PPP1R12B: variants seen among roughly 807,000 people sequenced by gnomAD.
The protein encoded by PPP1R12B is myosin phosphatase target subunit 2.
PPP1R12B carries 76 observed loss-of-function variants against 126.1 expected under a neutral mutation model. The observed-to-expected ratio is 0.60, with a 90% CI of 0.50 to 0.73. The LOEUF (loss-of-function observed/expected upper bound fraction) is 0.73. PPP1R12B is among the 30% of genes least tolerant of loss of function. The pLI, the probability that PPP1R12B is intolerant of heterozygous loss-of-function variation, is 0.00. For missense variants in PPP1R12B, 1,052 were observed against 1,205.1 expected, an observed-to-expected ratio of 0.87 and a Z score of 1.88; for synonymous variants, 356 against 434.7, an observed-to-expected ratio of 0.82 and a Z score of 2.25.
At chr1:202,545,507 A>T (rs1387703100) in intron 18 of PPP1R12B, among the ~76,000 whole-genome samples, 1 of 152,218 alleles carries the variant, frequency 6.6e-6, no homozygotes, top group African/African-American at 2.4e-5. Context: ...ATAAATGTGT[A>T]TCAAAGCCAT....
chr1:202,532,693 A>G (rs1684079621), intron 18 of PPP1R12B, among the ~76,000 whole-genome samples: 2 of 152,050 alleles, frequency 1.3e-5, no homozygotes, highest in Admixed American at 1.3e-4. Context: ...AAGAGAGACT[A>G]TCTTTCAAAG....
At chr1:202,423,659 G>T (rs1483919285) in intron 3 of PPP1R12B, among the ~76,000 whole-genome samples, 1 of 152,020 alleles carries the variant, frequency 6.6e-6, no homozygotes, top group Non-Finnish European at 1.5e-5. Flanking sequence ...TTCATGTATA[G>T]TTTTTCTGTC....
At chr1:202,471,993 T>G (rs1675972750) in intron 13 of PPP1R12B, 2 of 1,596,328 alleles carry the variant, frequency 1.3e-6, no homozygotes, top group Admixed American at 1.7e-5. Context: ...CGTGGTGATT[T>G]TATAGCATCC....
intron 23 of PPP1R12B, among the ~76,000 whole-genome samples, chr1:202,571,505 A>G (rs1688600787): frequency 6.6e-6 from 1 of 152,022 alleles, no homozygotes. Flanking sequence ...GTGCAGTGGC[A>G]CAATGTCGGC....
rs893320181 is a variant in PPP1R12B at position 202,417,233 on chromosome 1, A to G, written c.422+316A>G. 5 of 985,284 alleles carry G rather than the reference A, an allele frequency of 5.1e-6. No homozygotes were observed. The African/African-American group carries it at 8.7e-5, about 17-fold the overall frequency. 61.0% of individuals were successfully genotyped at this position (985,284 alleles called of 1,614,324 possible). A position where few individuals can be genotyped will look rare whatever the true frequency, so the allele number is the denominator to read the frequency against. ...AACAACTGTAGCTGGGCACGTATAC[A>G]GGCAGGCCTGGAGATGTTTTTCTGG... On this transcript the variant is annotated intron_variant, in intron 2 of 23. Transcript: ENST00000608999.
rs1553332114 is a variant in PPP1R12B at position 202,588,841 on chromosome 1, A to AGATT, written c.*8284_*8285insTGAT. The AGATT allele has an allele frequency of 7.0e-6, 1 of 143,628 alleles. No homozygotes were observed. The highest frequency in any genetic ancestry group is 1.5e-5 in the Non-Finnish European group (1 of 67,256). The allele number at this position is 143,628 out of a possible 1,614,324, so 8.9% of individuals were successfully genotyped here. ...AGAACCGTAAGATAGATAGATAGATAGATAGATAGATAGATAGATAGATAG... is the reference window on the plus strand; with the variant it reads ...AGAACCGTAAGATAGATAGATAGATAGATTGATAGATAGATAGATAGATAGATAG... On this transcript the variant is annotated 3_prime_UTR_variant, in exon 24 of 24. Transcript: ENST00000608999.
rs1395842077 is a variant in PPP1R12B, at chr1:202,437,841, C to T, written c.1275C>T (p.Asn425=). ...SARRFSSGLF[N]KPEEPKDESP... ...CATAGTTCTCTTCTGGCCTTTTTAACAAGCCAGAAGAGCCCAAAGATGAAT... is the reference window on the plus strand; with the variant it reads ...CATAGTTCTCTTCTGGCCTTTTTAATAAGCCAGAAGAGCCCAAAGATGAAT... The change falls in exon 10 of 24, where the codon AAC becomes AAT. Residue 425 remains asparagine (N), a synonymous_variant. Coordinates refer to ENST00000608999, the MANE Select transcript of PPP1R12B (RefSeq NM_002481.4). 3 of 1,611,578 alleles carry T rather than the reference C, an allele frequency of 1.9e-6. No homozygotes were observed. The South Asian group carries it at 3.3e-5, about 18-fold the overall frequency.
In PPP1R12B at chr1:202,584,117, T is replaced by C. The variant is rs1250464454; in HGVS notation, c.*3557T>C. 1.3e-5 allele frequency: 2 copies of C among 152,166 alleles called. No individual in the cohort carries two copies. Among genetic ancestry groups the C allele is most frequent in the African/African-American group, 4.8e-5 (2 of 41,418 alleles). The allele number at this position is 152,166 out of a possible 1,614,324, so 9.4% of individuals were successfully genotyped here. A position where few individuals can be genotyped will look rare whatever the true frequency, so the allele number is the denominator to read the frequency against. ...TGTTGCCTCTAAAGAATCTAAAGAA[T>C]AGACATGCTTTGGGCTTACTCAGTG... On this transcript the variant is annotated 3_prime_UTR_variant, in exon 24 of 24. Coordinates refer to ENST00000608999, the MANE Select transcript of PPP1R12B (RefSeq NM_002481.4).
At chr1:202,422,843 G>A in intron 3 of PPP1R12B, 105 bp downstream of exon 3, 8 of 1,521,284 alleles carry the variant, frequency 5.3e-6, no homozygotes, top group Non-Finnish European at 6.2e-6. Context: ...CATGACAGGA[G>A]AGGATTTGAT....
intron 11 of PPP1R12B, 48 bp downstream of exon 11, chr1:202,440,836 C>A: frequency 6.8e-7 from 1 of 1,468,224 alleles, no homozygotes; most frequent in Non-Finnish European, 9.5e-7. Flanking sequence ...CTTAGGTCTA[C>A]TGGACATAGT....
At chr1:202,371,718 G>A (rs1660294569) in intron 1 of PPP1R12B, among the ~76,000 whole-genome samples, 2 of 152,074 alleles carry the variant, frequency 1.3e-5, no homozygotes, top group Admixed American at 6.5e-5. Context: ...TGCAAAGATA[G>A]TTTAGAGAGA....
At chr1:202,446,236 C>CTATATATATATATATA (rs1290788219) in intron 12 of PPP1R12B, among the ~76,000 whole-genome samples, 1 of 88,056 alleles carries the variant, frequency 1.1e-5, no homozygotes, top group Non-Finnish European at 2.2e-5. Context: ...CTCTCTCTCT[C>CTATATATATATATATA]TATATATATA....
intron 18 of PPP1R12B, among the ~76,000 whole-genome samples, chr1:202,532,926 A>G (rs1362611891): frequency 4.5e-5 from 6 of 134,266 alleles, no homozygotes; most frequent in East Asian, 2.2e-4. Flanking sequence ...CTGGAGTGCA[A>G]TGTTGCGATC....
At position 202,581,441 on chromosome 1, in the gene PPP1R12B, G is replaced by A. The variant is rs1689542342; in HGVS notation, c.*881G>A. On this transcript the variant is annotated 3_prime_UTR_variant, in exon 24 of 24. Coordinates refer to ENST00000608999, the MANE Select transcript of PPP1R12B (RefSeq NM_002481.4). ...CTGGAAGGTAGACTATGGCATAAGT[G>A]TCAGCTCATTGTTTTCGTCTCCCAC... 1 of 152,216 alleles carries A rather than the reference G, an allele frequency of 6.6e-6. No homozygotes were observed. Among genetic ancestry groups the A allele is most frequent in the Admixed American group, 6.5e-5 (1 of 15,280 alleles). 9.4% of individuals were successfully genotyped at this position (152,216 alleles called of 1,614,324 possible). A position where few individuals can be genotyped will look rare whatever the true frequency, so the allele number is the denominator to read the frequency against.
rs1194751651 is a variant in PPP1R12B, at chr1:202,584,121, C to T, written c.*3561C>T. The T allele has an allele frequency of 6.6e-6, 1 of 152,162 alleles. No individual in the cohort carries two copies. Among genetic ancestry groups the T allele is most frequent in the Non-Finnish European group, 1.5e-5 (1 of 68,044 alleles). 9.4% of individuals were successfully genotyped at this position (152,162 alleles called of 1,614,324 possible). On this transcript the variant is annotated 3_prime_UTR_variant, in exon 24 of 24. Transcript: ENST00000608999. ...GCCTCTAAAGAATCTAAAGAATAGA[C>T]ATGCTTTGGGCTTACTCAGTGTACC... is the stretch of plus-strand genomic sequence containing the variant.
At chr1:202,516,266 G>C (rs895482637) in intron 18 of PPP1R12B, among the ~76,000 whole-genome samples, 1 of 152,176 alleles carries the variant, frequency 6.6e-6, no homozygotes, top group Non-Finnish European at 1.5e-5. Flanking sequence ...CTTGTTATAG[G>C]GGTAGGGTTA....
intron 1 of PPP1R12B, among the ~76,000 whole-genome samples, chr1:202,379,292 G>C (rs1254887928): frequency 1.3e-5 from 2 of 152,164 alleles, no homozygotes; most frequent in African/African-American, 4.8e-5. Context: ...ATTCCCAATT[G>C]ACTGCATGAG....
chr1:202,575,160 A>T (rs979403945), intron 23 of PPP1R12B: 2 of 1,601,910 alleles, frequency 1.2e-6, no homozygotes, highest in African/African-American at 2.7e-5. Context: ...TCTCCAACTC[A>T]CTTCCCTCCT....
rs575395986 is a variant in PPP1R12B at position 202,541,798 on chromosome 1, A to C, written c.2491-17079A>C. On this transcript the variant is annotated intron_variant, in intron 18 of 23. Coordinates refer to ENST00000608999, the MANE Select transcript of PPP1R12B (RefSeq NM_002481.4). ...ACTGCTTTCGTCTTGTCTCACTTCT[A>C]ACAGCTGCCATCCAACCTCCCTACC... 2.0e-5 allele frequency among the ~76,000 whole-genome samples: 3 copies of C among 152,194 alleles called. No homozygotes were observed. In the East Asian group the frequency reaches 5.8e-4, roughly 29 times the overall value.
Sources: gnomAD v4.1 joint callset for allele counts (sites outside exome capture counted in the v4.1 genomes callset) on GRCh38, gnomAD v4.1.1 for gene constraint, MANE v1.5 for transcripts, NCBI Gene and HGNC (gene_info 2026-07-23, HGNC 2026-07-21) for gene names.